The following ZNF571 variants were observed in gnomAD, a reference collection of about 807,000 sequenced individuals.
ZNF571 encodes the protein zinc finger protein 571.
A neutral mutation model predicts 7.7 loss-of-function variants in ZNF571; 4 were observed. The observed-to-expected ratio is 0.52, with a 90% CI of 0.25 to 1.18. The LOEUF is 1.18. Ranked by LOEUF, ZNF571 falls within the 50% of genes most tolerant of loss-of-function variation. The pLI, the probability that ZNF571 is intolerant of heterozygous loss-of-function variation, is 0.14. For synonymous variants in ZNF571, 251 were observed against 232.4 expected (o/e 1.08, Z -0.73); for missense variants, 704 against 726.9 (o/e 0.97, Z 0.36).
chr19:37,574,692 T>C (rs1568349095), intron 3 of ZNF571, among the ~76,000 whole-genome samples: 1 of 152,224 alleles, frequency 6.6e-6, no homozygotes, highest in Non-Finnish European at 1.5e-5. Context: ...TTAGTAGATA[T>C]GACTAGAAAA....
At position 37,566,100 on chromosome 19, in the gene ZNF571, C is replaced by T. The variant is rs2042848124; in HGVS notation, c.328G>A (p.Val110Ile). The part of the protein sequence containing the change: ...EASQEGLYMC[V>I]KITCEEKATE... ...GCCTTTTCTTCACAGGTAATTTTGA[C>T]ACACATGTAAAGCCCTTCCTGACTT... The change falls in exon 4 of 4, where the codon GTC (valine) becomes ATC (isoleucine). Residue 110 changes from valine (V) to isoleucine (I), a missense_variant. Coordinates refer to ENST00000451802, the MANE Select transcript of ZNF571 (RefSeq NM_016536.5). 1 of 1,614,036 alleles carries T rather than the reference C, an allele frequency of 6.2e-7. No homozygotes were observed. Among genetic ancestry groups the T allele is most frequent in the Non-Finnish European group, 8.5e-7 (1 of 1,179,930 alleles).
intron 3 of ZNF571, among the ~76,000 whole-genome samples, chr19:37,566,970 C>T (rs548100318): frequency 6.6e-6 from 1 of 152,208 alleles, no homozygotes; most frequent in Admixed American, 6.5e-5. Context: ...CATCACTTAC[C>T]ACTCCCCTAA....
intron 1 of ZNF571, among the ~76,000 whole-genome samples, chr19:37,593,207 G>A (rs536048990): frequency 3.3e-5 from 5 of 151,856 alleles, no homozygotes; most frequent in African/African-American, 9.7e-5. Flanking sequence ...CTTATAAGAG[G>A]ATAAAATACA....
rs776495289 is a variant in ZNF571, at chr19:37,584,029, A to G, written c.78T>C (p.Ala26=). 1 of 1,614,096 alleles carries G rather than the reference A, an allele frequency of 6.2e-7. No homozygotes were observed. Among genetic ancestry groups the G allele is most frequent in the Non-Finnish European group, 8.5e-7 (1 of 1,179,968 alleles). The change falls in exon 3 of 4, where the codon GCT becomes GCC. Residue 26 remains alanine, a synonymous_variant. Transcript: ENST00000451802. ...TCACATCCCTGTACAAGTCCCTCTG[A>G]GCAGGGTCCAGGCATTCCCATTCCT... The part of the protein sequence containing the change: ...SQEEWECLDP[A]QRDLYRDVML...
At chr19:37,586,627 A>C in intron 2 of ZNF571, 41 bp downstream of exon 2, 4 of 1,613,028 alleles carry the variant, frequency 2.5e-6, no homozygotes, top group Non-Finnish European at 3.4e-6. Context: ...ATTACACAAC[A>C]AAATGATTGT....
At chr19:37,592,822 A>C in intron 1 of ZNF571, among the ~76,000 whole-genome samples, 1 of 152,246 alleles carries the variant, frequency 6.6e-6, no homozygotes, top group East Asian at 1.9e-4. Flanking sequence ...AATTAGCTAA[A>C]AGCAGTATAC....
At chr19:37,592,284 T>A in intron 1 of ZNF571, among the ~76,000 whole-genome samples, 1 of 152,172 alleles carries the variant, frequency 6.6e-6, no homozygotes, top group East Asian at 1.9e-4. Flanking sequence ...GTATCAATCA[T>A]AAGTGGACGT....
intron 3 of ZNF571, among the ~76,000 whole-genome samples, chr19:37,567,922 T>G (rs537613282): frequency 6.6e-6 from 1 of 152,346 alleles, no homozygotes; most frequent in Admixed American, 6.5e-5. Context: ...ATATAATGTT[T>G]TATTCCTTTA....
chr19:37,586,482 G>C, intron 2 of ZNF571, 186 bp downstream of exon 2: 1 of 647,828 alleles, frequency 1.5e-6, no homozygotes, highest in Non-Finnish European at 2.7e-6. Flanking sequence ...TCTGAAAACT[G>C]TTTGGAGAGG....
In ZNF571 at chr19:37,565,592, T is replaced by G; in HGVS notation, c.836A>C (p.Tyr279Ser). Residue 279 changes from tyrosine to serine, a missense_variant, in exon 4 of 4, where the codon TAT becomes TCT. Transcript: ENST00000451802. ...GGCCTTCCCACAATCCTTACATTCATAGGGTTTTTCACCACTATGAATTCT... is the reference window on the plus strand; with the variant it reads ...GGCCTTCCCACAATCCTTACATTCAGAGGGTTTTTCACCACTATGAATTCT... ...HQRIHSGEKPYECKDCGKAFI... is the reference protein window; with the variant it reads ...HQRIHSGEKPSECKDCGKAFI... 1.2e-6 allele frequency: 2 copies of G among 1,613,610 alleles called. No individual in the cohort carries two copies. The highest frequency in any genetic ancestry group is 2.2e-5 in the South Asian group (2 of 91,034).
chr19:37,582,883 C>G (rs2147195082), intron 3 of ZNF571, among the ~76,000 whole-genome samples: 1 of 152,308 alleles, frequency 6.6e-6, no homozygotes, highest in South Asian at 2.1e-4. Context: ...CCTCACTGTT[C>G]ACATAGCACT....
chr19:37,578,637 T>C (rs2043331873), intron 3 of ZNF571, among the ~76,000 whole-genome samples: 1 of 152,108 alleles, frequency 6.6e-6, no homozygotes. Context: ...AAGGCTCGGC[T>C]TCACCCTGCC....
At chr19:37,574,424 A>G (rs1462310272) in intron 3 of ZNF571, among the ~76,000 whole-genome samples, 2 of 152,202 alleles carry the variant, frequency 1.3e-5, no homozygotes, top group African/African-American at 4.8e-5. Flanking sequence ...TATTTTCACT[A>G]AATTTTTTTA....
intron 3 of ZNF571, among the ~76,000 whole-genome samples, chr19:37,583,264 A>G (rs932622203): frequency 1.3e-5 from 2 of 152,230 alleles, no homozygotes; most frequent in African/African-American, 4.8e-5. Context: ...TGTGCTGGCT[A>G]GAGATACTTA....
chr19:37,581,711 C>A (rs1484219273), intron 3 of ZNF571, among the ~76,000 whole-genome samples: 1 of 151,968 alleles, frequency 6.6e-6, no homozygotes, highest in Non-Finnish European at 1.5e-5. Flanking sequence ...AATTCACCCA[C>A]CTCAGCCTCC....
At chr19:37,570,769 A>C (rs1214079296) in intron 3 of ZNF571, among the ~76,000 whole-genome samples, 1 of 152,142 alleles carries the variant, frequency 6.6e-6, no homozygotes, top group Non-Finnish European at 1.5e-5. Flanking sequence ...ATACTACCAA[A>C]CTTCTGAATA....
chr19:37,564,629 T>A lies in ZNF571; in HGVS notation c.1799A>T (p.Gln600Leu). 6.4e-7 allele frequency: 1 copy of A among 1,561,822 alleles called. No individual in the cohort carries two copies. Among genetic ancestry groups the A allele is most frequent in the Non-Finnish European group, 8.7e-7 (1 of 1,154,856 alleles). Residue 600 changes from glutamine to leucine, a missense_variant, in exon 4 of 4, where the codon CAA becomes CTA. Physicochemically the swap from Gln to Leu is moderately radical, Grantham distance 113 (BLOSUM62 -2). Coordinates refer to ENST00000451802, the MANE Select transcript of ZNF571 (RefSeq NM_016536.5). ...ATGAAGCCTTGTATGTTGAGTAAGTTGTGAAGGACATCTAAAGTCTTTACC... is the reference window on the plus strand; with the variant it reads ...ATGAAGCCTTGTATGTTGAGTAAGTAGTGAAGGACATCTAAAGTCTTTACC... ...QCGKDFRCPS[Q>L]LTQHTRLHN
chr19:37,586,643 A>C lies in ZNF571; in HGVS notation c.9+25T>G, dbSNP rs375249023. The C allele has an allele frequency of 7.1e-5, 114 of 1,613,608 alleles. No homozygotes were observed. In the African/African-American group the frequency reaches 1.4e-3, roughly 20 times the overall value. ...TTACACAACAAAATGATTGTACTTC[A>C]AGAAGGAAAGAAACAGCAACTCACG... On this transcript the variant is annotated intron_variant, in intron 2 of 3. Coordinates refer to ENST00000451802, the MANE Select transcript of ZNF571 (RefSeq NM_016536.5).
chr19:37,566,687 C>A (rs1158775257), intron 3 of ZNF571, among the ~76,000 whole-genome samples: 3 of 152,270 alleles, frequency 2.0e-5, no homozygotes, highest in African/African-American at 7.2e-5. Flanking sequence ...CATCCTAGGC[C>A]AAGTCACCCC....
Sources: allele counts gnomAD v4.1 joint callset (sites outside exome capture counted in the v4.1 genomes callset), GRCh38; gene constraint gnomAD v4.1.1; transcripts MANE v1.5; gene names NCBI Gene and HGNC (gene_info 2026-07-23, HGNC 2026-07-21).